Variants in RASSF9 observed in about 807,000 individuals in gnomAD.
The protein encoded by RASSF9 is Ras association domain family member 9, also known as ras association domain-containing protein 9.
RASSF9 carries 18 observed loss-of-function variants against 21.4 expected under a neutral mutation model. The ratio of observed to expected loss-of-function variants is 0.84; its 90% CI spans 0.58 to 1.25. The LOEUF is 1.25. RASSF9 is among the 50% of genes most tolerant of loss of function. The pLI is 0.00. For missense variants in RASSF9, 480 were observed against 503.2 expected (o/e 0.95, Z 0.44); for synonymous variants, 183 against 179.1 (o/e 1.02, Z -0.18).
chr12:85,807,770 G>T (rs1879867338), intron 1 of RASSF9, among the ~76,000 whole-genome samples: 1 of 152,028 alleles, frequency 6.6e-6, no homozygotes, highest in African/African-American at 2.4e-5. Flanking sequence ...AAATGACACA[G>T]GTAGTAAAAG....
intron 1 of RASSF9, among the ~76,000 whole-genome samples, chr12:85,815,640 G>A (rs1488965861): frequency 6.6e-6 from 1 of 152,064 alleles, no homozygotes; most frequent in Non-Finnish European, 1.5e-5. Context: ...CATTCTGACT[G>A]GAGTGAGATG....
Position 85,804,678 on chromosome 12 carries a change from CA to C in RASSF9, c.*23del, listed in dbSNP as rs763518073. On this transcript the variant is annotated 3_prime_UTR_variant, in exon 2 of 2. Transcript: ENST00000361228. ...TTAAACAAACATTAAAACATGAAAG[CA>C]GGTCAGAAAGGAGCCATTGGAACTA... The C allele has an allele frequency of 6.6e-7, 1 of 1,517,508 alleles. No individual in the cohort carries two copies. Among genetic ancestry groups the C allele is most frequent in the Non-Finnish European group, 8.9e-7 (1 of 1,129,914 alleles). The allele number at this position is 1,517,508 out of a possible 1,614,324, so 94.0% of individuals were successfully genotyped here.
At chr12:85,828,672 G>C (rs1407997403) in intron 1 of RASSF9, among the ~76,000 whole-genome samples, 1 of 152,022 alleles carries the variant, frequency 6.6e-6, no homozygotes, top group Non-Finnish European at 1.5e-5. Context: ...ATGTCTTATG[G>C]CTATTAATTA....
At position 85,805,640 on chromosome 12, in the gene RASSF9, G is replaced by A. The variant is rs573615562; in HGVS notation, c.370C>T (p.Pro124Ser). Residue 124 changes from proline to serine, a missense_variant, in exon 2 of 2, where the codon CCT becomes TCT. By Grantham distance (74) the Pro-to-Ser change is moderately conservative (BLOSUM62 -1). Coordinates refer to ENST00000361228, the MANE Select transcript of RASSF9 (RefSeq NM_005447.4). The stretch of plus-strand genomic sequence containing the variant: ...TTGGCTTCAGCTGTCCGCCACAAAG[G>A]AACTGGAAGAAAAGCATCTGCTTTA... ...LVKADAFLPV[P>S]LWRTAEAKLV... 20 of 1,613,972 alleles carry A rather than the reference G, an allele frequency of 1.2e-5. No individual in the cohort carries two copies. The South Asian group carries it at 2.2e-4, about 18-fold the overall frequency.
At chr12:85,806,438 C>T (rs1464308886) in intron 1 of RASSF9, among the ~76,000 whole-genome samples, 1 of 149,494 alleles carries the variant, frequency 6.7e-6, no homozygotes, top group African/African-American at 2.4e-5. Flanking sequence ...TTTCGCAGGC[C>T]GAGGCGGGTG....
chr12:85,808,278 A>T (rs955539296), intron 1 of RASSF9, among the ~76,000 whole-genome samples: 1 of 152,136 alleles, frequency 6.6e-6, no homozygotes, highest in Non-Finnish European at 1.5e-5. Context: ...TCCAACTCCT[A>T]ACAAAAAATT....
intron 1 of RASSF9, among the ~76,000 whole-genome samples, chr12:85,818,713 C>G (rs1040664603): frequency 4.6e-5 from 7 of 152,112 alleles, no homozygotes; most frequent in Non-Finnish European, 1.0e-4. Flanking sequence ...GTAATCCCAG[C>G]ACTTCGGGAT....
intron 1 of RASSF9, among the ~76,000 whole-genome samples, chr12:85,823,218 AT>A (rs1880255776): frequency 2.0e-5 from 3 of 149,982 alleles, no homozygotes; most frequent in Admixed American, 6.6e-5. Context: ...AAAAAAAAAA[AT>A]GTCTACTGCC....
Position 85,805,659 on chromosome 12 carries a change from T to C in RASSF9, c.351A>G (p.Ala117=), listed in dbSNP as rs114311849. ...ACAAAGGAACTGGAAGAAAAGCATC[T>C]GCTTTAACCAAAACAAATTGCATAT... The part of the protein sequence containing the change: ...QPNMQFVLVK[A]DAFLPVPLWR... Residue 117 remains alanine (A), a synonymous_variant, in exon 2 of 2, where the codon GCA becomes GCG. Transcript: ENST00000361228. 1,125 of 1,614,026 alleles carry C rather than the reference T, an allele frequency of 7.0e-4. 10 individuals are homozygous for C. The African/African-American group carries it at 0.013, about 19-fold the overall frequency.
At chr12:85,823,884 T>C (rs1449725139) in intron 1 of RASSF9, among the ~76,000 whole-genome samples, 4 of 152,134 alleles carry the variant, frequency 2.6e-5, no homozygotes. Flanking sequence ...AAATAATAAA[T>C]TGTTCTTCCA....
intron 1 of RASSF9, among the ~76,000 whole-genome samples, chr12:85,811,078 A>G (rs1378949122): frequency 6.6e-6 from 1 of 151,926 alleles, no homozygotes; most frequent in Non-Finnish European, 1.5e-5. Context: ...TTATTTTTAA[A>G]TTAACACTTG....
At chr12:85,810,918 A>ACTTTG (rs142479372) in intron 1 of RASSF9, among the ~76,000 whole-genome samples, 44,021 of 150,182 alleles carry the variant, frequency 0.29, 7,000 homozygotes, top group African/African-American at 0.39. Flanking sequence ...GTTCTGTTTT[A>ACTTTG]CTTTGTGTGT....
intron 1 of RASSF9, among the ~76,000 whole-genome samples, chr12:85,822,634 T>A (rs1880236470): frequency 6.6e-6 from 1 of 152,190 alleles, no homozygotes; most frequent in African/African-American, 2.4e-5. Flanking sequence ...TATTGTGCCT[T>A]TATTTTTCTT....
chr12:85,814,475 C>A (rs1415794258), intron 1 of RASSF9, among the ~76,000 whole-genome samples: 1 of 151,946 alleles, frequency 6.6e-6, no homozygotes, highest in East Asian at 1.9e-4. Context: ...AAGCCCTGTT[C>A]CAGATTTAAA....
At chr12:85,824,062 A>C (rs1880274211) in intron 1 of RASSF9, among the ~76,000 whole-genome samples, 1 of 152,152 alleles carries the variant, frequency 6.6e-6, no homozygotes, top group South Asian at 2.1e-4. Flanking sequence ...ATGGTTCTCA[A>C]ATCTAACTAT....
chr12:85,821,101 G>T lies in RASSF9; in HGVS notation c.47+15054C>A, dbSNP rs192217423. ...AGACGTTGCAGTGAGCCAAGATGGC[G>T]CCACTGCACTCCAGCCTGGCAACAA... On this transcript the variant is annotated intron_variant, in intron 1 of 1. Transcript: ENST00000361228. 5.9e-3 allele frequency among the ~76,000 whole-genome samples: 899 copies of T among 151,928 alleles called. 4 individuals are homozygous for T. Among genetic ancestry groups the T allele is most frequent in the African/African-American group, 0.021 (855 of 41,416 alleles).
At chr12:85,808,842 A>G (rs571607523) in intron 1 of RASSF9, among the ~76,000 whole-genome samples, 1 of 152,108 alleles carries the variant, frequency 6.6e-6, no homozygotes, top group Non-Finnish European at 1.5e-5. Context: ...AATAGTGGTC[A>G]TAATTATCAA....
chr12:85,818,796 T>C (rs1054041227), intron 1 of RASSF9, among the ~76,000 whole-genome samples: 1 of 150,432 alleles, frequency 6.6e-6, no homozygotes, highest in East Asian at 2.0e-4. Context: ...TCGTCTCTAC[T>C]AAAAACACAT....
At chr12:85,828,695 G>A (rs978415276) in intron 1 of RASSF9, among the ~76,000 whole-genome samples, 6 of 152,078 alleles carry the variant, frequency 3.9e-5, no homozygotes, top group African/African-American at 7.2e-5. Context: ...GTTCTAGGAA[G>A]AAATTCCTCA....
Sources: gnomAD v4.1 joint callset for allele counts (sites outside exome capture counted in the v4.1 genomes callset) on GRCh38, gnomAD v4.1.1 for gene constraint, MANE v1.5 for transcripts, NCBI Gene and HGNC (gene_info 2026-07-23, HGNC 2026-07-21) for gene names.